CLRN1: variants seen among roughly 807,000 people sequenced by gnomAD.
CLRN1 encodes the protein clarin-1.
CLRN1 carries 15 observed loss-of-function variants against 18.7 expected under a neutral mutation model. The observed-to-expected ratio is 0.80, with a 90% CI of 0.54 to 1.23. The LOEUF is 1.23. Among genes scored for constraint, CLRN1 ranks in the 50% most tolerant of loss-of-function variants. The probability of loss-of-function intolerance (pLI) is 0.00; values close to 1 mark genes in which losing one functional copy is unlikely to be tolerated. For missense variants in CLRN1, 311 were observed against 277.5 expected, an observed-to-expected ratio of 1.12 and a Z score of -0.86; for synonymous variants, 104 against 102.9, an observed-to-expected ratio of 1.01 and a Z score of -0.07.
intron 1 of CLRN1, among the ~76,000 whole-genome samples, chr3:150,967,035 C>T (rs1415564184): frequency 1.3e-5 from 2 of 152,160 alleles, no homozygotes; most frequent in South Asian, 2.1e-4. Context: ...TTTCTCAAAG[C>T]GTAATCTCTT....
At chr3:150,959,669 T>C (rs893370659) in intron 1 of CLRN1, among the ~76,000 whole-genome samples, 2 of 150,336 alleles carry the variant, frequency 1.3e-5, no homozygotes, top group Non-Finnish European at 3.0e-5. Flanking sequence ...GTAATAAGAA[T>C]AAGGTAAAAA....
chr3:150,968,892 A>G (rs1443430577), intron 1 of CLRN1, among the ~76,000 whole-genome samples: 3 of 152,142 alleles, frequency 2.0e-5, no homozygotes, highest in African/African-American at 7.2e-5. Flanking sequence ...GCTGGTGTCT[A>G]CCATACTTAG....
At chr3:150,956,077 T>C (rs1576640952) in intron 1 of CLRN1, among the ~76,000 whole-genome samples, 1 of 152,164 alleles carries the variant, frequency 6.6e-6, no homozygotes, top group East Asian at 1.9e-4. Context: ...ACTGCATAAG[T>C]TTTTTGCCAA....
intron 1 of CLRN1, among the ~76,000 whole-genome samples, chr3:150,960,493 T>C (rs974542698): frequency 6.6e-6 from 1 of 152,184 alleles, no homozygotes; most frequent in Admixed American, 6.5e-5. Flanking sequence ...CTTTTACTTT[T>C]TTTTTCCTGA....
intron 2 of CLRN1, among the ~76,000 whole-genome samples, chr3:150,935,210 T>C (rs968700439): frequency 7.9e-5 from 12 of 151,826 alleles, no homozygotes; most frequent in Admixed American, 6.6e-4. Flanking sequence ...TAGGTACATA[T>C]GTATACATGT....
intron 1 of CLRN1, among the ~76,000 whole-genome samples, chr3:150,942,259 C>T: frequency 6.6e-6 from 1 of 152,080 alleles, no homozygotes; most frequent in African/African-American, 2.4e-5. Context: ...TATTTTCAGT[C>T]AACTTCAATA....
chr3:150,955,590 C>T (rs1350154), intron 1 of CLRN1, among the ~76,000 whole-genome samples: 40,737 of 151,858 alleles, frequency 0.27, 6,321 homozygotes, highest in African/African-American at 0.42. Flanking sequence ...CAAATCTCCT[C>T]ATTAAAAAAA....
At position 150,926,651 on chromosome 3, in the gene CLRN1, T is replaced by C; in HGVS notation, c.*1285A>G. ...GCAAGTTATTTCTCAGGTATACGGTTGTTTCATCCTTGTAAATAGTTCCAA... is the reference window on the plus strand; with the variant it reads ...GCAAGTTATTTCTCAGGTATACGGTCGTTTCATCCTTGTAAATAGTTCCAA... On this transcript the variant is annotated 3_prime_UTR_variant, in exon 3 of 3. Transcript: ENST00000327047. The C allele has an allele frequency of 1.2e-6, 1 of 853,708 alleles. No individual in the cohort carries two copies. 52.9% of individuals were successfully genotyped at this position (853,708 alleles called of 1,614,324 possible).
intron 1 of CLRN1, among the ~76,000 whole-genome samples, chr3:150,955,567 T>A (rs1714697607): frequency 6.6e-6 from 1 of 152,170 alleles, no homozygotes; most frequent in South Asian, 2.1e-4. Flanking sequence ...GGTTGGCAAT[T>A]GAAATGGAAT....
intron 1 of CLRN1, among the ~76,000 whole-genome samples, chr3:150,970,328 G>A (rs113754164): frequency 3.0e-4 from 45 of 152,226 alleles, no homozygotes; most frequent in African/African-American, 1.0e-3. Flanking sequence ...ACAAAGCTGC[G>A]TTGCAATGGG....
intron 1 of CLRN1, chr3:150,943,997 TCAA>T: frequency 2.4e-6 from 3 of 1,239,024 alleles, no homozygotes; most frequent in African/African-American, 1.5e-5. Context: ...ATAGCCTGCA[TCAA>T]CAACAAGATA....
chr3:150,964,881 C>T (rs1290492927), intron 1 of CLRN1, among the ~76,000 whole-genome samples: 3 of 144,880 alleles, frequency 2.1e-5, no homozygotes, highest in African/African-American at 7.6e-5. Context: ...AGGGGAATAT[C>T]ACACACCGGG....
intron 1 of CLRN1, among the ~76,000 whole-genome samples, chr3:150,965,445 A>G (rs913370389): frequency 6.6e-6 from 1 of 152,338 alleles, no homozygotes; most frequent in Non-Finnish European, 1.5e-5. Context: ...TAATTATAGT[A>G]ATTCAATATT....
chr3:150,941,569 A>G lies in CLRN1; in HGVS notation c.433+13T>C. On this transcript the variant is annotated intron_variant, in intron 2 of 2. Transcript: ENST00000327047. The stretch of plus-strand genomic sequence containing the variant: ...AAGCACATTTGTCTTCAGAGGTAGA[A>G]TTTTGTACTTACCTGAAATGAAGCT... 2 of 1,613,614 alleles carry G rather than the reference A, an allele frequency of 1.2e-6. No homozygotes were observed. Among genetic ancestry groups the G allele is most frequent in the Non-Finnish European group, 8.5e-7 (1 of 1,179,572 alleles).
intron 1 of CLRN1, chr3:150,945,522 T>C: frequency 7.8e-7 from 1 of 1,287,094 alleles, no homozygotes; most frequent in South Asian, 1.2e-5. Flanking sequence ...ACTACATATG[T>C]ACATACATGA....
chr3:150,932,287 C>T (rs1291222436), intron 2 of CLRN1, among the ~76,000 whole-genome samples: 3 of 152,156 alleles, frequency 2.0e-5, no homozygotes, highest in Non-Finnish European at 4.4e-5. Context: ...ATGAGGGTTG[C>T]TTCTTCATCC....
Position 150,972,643 on chromosome 3 carries a change from G to T in CLRN1, c.66C>A (p.Leu22=), listed in dbSNP as rs375543586. ...MAGVFSFACA[L]GVVTALGTPL... is the part of the protein sequence containing the mutation. Reference sequence around the variant, plus strand: ...GTGTCCCCAAGGCTGTCACAACTCCGAGGGCACATGCAAAACTGAACACTC... The same window carrying T: ...GTGTCCCCAAGGCTGTCACAACTCCTAGGGCACATGCAAAACTGAACACTC... The change falls in exon 1 of 3, where the codon CTC becomes CTA. Residue 22 remains leucine, a synonymous_variant. Transcript: ENST00000327047. The T allele has an allele frequency of 3.3e-5, 53 of 1,614,042 alleles. No individual in the cohort carries two copies. The highest frequency in any genetic ancestry group is 1.6e-4 in the Middle Eastern group (1 of 6,084).
At chr3:150,941,178 C>CATATATAT (rs57988194) in intron 2 of CLRN1, among the ~76,000 whole-genome samples, 3,579 of 132,740 alleles carry the variant, frequency 0.027, 80 homozygotes, top group South Asian at 0.068. Context: ...CTATCTCTTT[C>CATATATAT]ATATATATAT....
chr3:150,970,722 T>C (rs1715490630), intron 1 of CLRN1, among the ~76,000 whole-genome samples: 1 of 152,166 alleles, frequency 6.6e-6, no homozygotes, highest in South Asian at 2.1e-4. Context: ...TGGGAGCTAA[T>C]GAAATTCTGT....
Sources: allele counts gnomAD v4.1 joint callset (sites outside exome capture counted in the v4.1 genomes callset), GRCh38; gene constraint gnomAD v4.1.1; transcripts MANE v1.5; gene names NCBI Gene and HGNC (gene_info 2026-07-23, HGNC 2026-07-21).